The following ITPR1 variants were observed in gnomAD, a reference collection of about 807,000 sequenced individuals.
ITPR1 encodes inositol 1,4,5-trisphosphate-gated calcium channel ITPR1.
ITPR1 carries 96 observed loss-of-function variants against 318.4 expected under a neutral mutation model. The ratio of observed to expected loss-of-function variants is 0.30; its 90% CI spans 0.26 to 0.36. ITPR1 has a LOEUF of 0.36. Among genes scored for constraint, ITPR1 ranks in the 10% least tolerant of loss-of-function variants. The pLI is 1.00. For missense variants in ITPR1, 2,440 were observed against 3,460.2 expected, an observed-to-expected ratio of 0.71 and a Z score of 7.40; for synonymous variants, 1,312 against 1,289.9, an observed-to-expected ratio of 1.02 and a Z score of -0.37.
intron 24 of ITPR1, among the ~76,000 whole-genome samples, chr3:4,678,143 A>G (rs1323114209): frequency 5.3e-5 from 8 of 152,120 alleles, no homozygotes; most frequent in Admixed American, 6.5e-5. Context: ...CCCTTTACCA[A>G]TGCTTTGAAA....
At chr3:4,746,150 T>C (rs2044092122) in intron 44 of ITPR1, among the ~76,000 whole-genome samples, 1 of 152,232 alleles carries the variant, frequency 6.6e-6, no homozygotes, top group East Asian at 1.9e-4. Flanking sequence ...TCTGCACCTG[T>C]CAGCCTTTTT....
intron 53 of ITPR1, among the ~76,000 whole-genome samples, chr3:4,796,596 A>G (rs1032562436): frequency 7.9e-5 from 12 of 152,202 alleles, no homozygotes; most frequent in African/African-American, 2.7e-4. Flanking sequence ...TATTTCAAAC[A>G]GATTTTATTA....
chr3:4,829,448 T>C (rs1254912142), intron 60 of ITPR1, among the ~76,000 whole-genome samples: 2 of 151,578 alleles, frequency 1.3e-5, no homozygotes, highest in African/African-American at 4.9e-5. Context: ...TTTTAAAAAA[T>C]TAATAGACTC....
At chr3:4,618,025 A>G (rs2092455468) in intron 4 of ITPR1, among the ~76,000 whole-genome samples, 1 of 152,022 alleles carries the variant, frequency 6.6e-6, no homozygotes, top group Non-Finnish European at 1.5e-5. Flanking sequence ...ATATATGCAC[A>G]TCCTTTAAAA....
chr3:4,837,075 C>A, intron 61 of ITPR1, 140 bp downstream of exon 61: 1 of 625,372 alleles, frequency 1.6e-6, no homozygotes. Context: ...GGGACAAACC[C>A]ACTCACTCCT....
intron 32 of ITPR1, among the ~76,000 whole-genome samples, chr3:4,693,079 A>G (rs6802545): frequency 0.054 from 8,184 of 152,262 alleles, 768 homozygotes; most frequent in African/African-American, 0.19. Context: ...AGCCGAGATC[A>G]CGGCATTGCA....
At chr3:4,527,632 G>A (rs952061637) in intron 4 of ITPR1, among the ~76,000 whole-genome samples, 4 of 152,224 alleles carry the variant, frequency 2.6e-5, no homozygotes, top group African/African-American at 9.6e-5. Context: ...GTTGGTGGAA[G>A]ACCCCTGGTT....
chr3:4,557,884 A>G (rs1023034688), intron 4 of ITPR1, among the ~76,000 whole-genome samples: 4 of 152,198 alleles, frequency 2.6e-5, no homozygotes, highest in Admixed American at 6.5e-5. Flanking sequence ...AGCGCTCACT[A>G]TAAATTCACT....
chr3:4,734,739 G>A (rs902840799), intron 43 of ITPR1, among the ~76,000 whole-genome samples: 1 of 152,252 alleles, frequency 6.6e-6, no homozygotes, highest in East Asian at 1.9e-4. Flanking sequence ...GAGTAGGCTT[G>A]TTAAAAGGAG....
chr3:4,593,059 C>G (rs868066025), intron 4 of ITPR1, among the ~76,000 whole-genome samples: 3 of 152,170 alleles, frequency 2.0e-5, no homozygotes, highest in African/African-American at 4.8e-5. Flanking sequence ...AGAACTTGCT[C>G]GAAGTCAGGA....
Position 4,675,221 on chromosome 3 carries a change from G to A in ITPR1, c.2752G>A (p.Gly918Ser), listed in dbSNP as rs771806357. ...SKMAKGEENK[G>S]NNDVEKLKSS... Reference sequence around the variant, plus strand: ...GATGGCGAAAGGAGAAGAGAATAAAGGTAACAATGATGTGGAGAAGCTGAA... The same window carrying A: ...GATGGCGAAAGGAGAAGAGAATAAAAGTAACAATGATGTGGAGAAGCTGAA... The change falls in exon 23 of 62, where the codon GGT (glycine) becomes AGT (serine). Residue 918 changes from glycine to serine, a missense_variant. By Grantham distance (56) the Gly-to-Ser change is moderately conservative. Transcript: ENST00000649015. 6 of 1,611,576 alleles carry A rather than the reference G, an allele frequency of 3.7e-6. No homozygotes were observed. In the South Asian group the frequency reaches 5.5e-5, roughly 15 times the overall value.
At chr3:4,683,946 C>T (rs1176822614) in intron 28 of ITPR1, 148 bp downstream of exon 28, 2 of 796,240 alleles carry the variant, frequency 2.5e-6, no homozygotes, top group Non-Finnish European at 2.0e-6. Context: ...AAGCTGTTTG[C>T]CTAGGAAATA....
chr3:4,688,929 C>T, intron 31 of ITPR1, among the ~76,000 whole-genome samples: 1 of 152,176 alleles, frequency 6.6e-6, no homozygotes, highest in Non-Finnish European at 1.5e-5. Flanking sequence ...AAATGTCTCT[C>T]CTGCCACCTG....
rs1377989287 is a variant in ITPR1 at position 4,526,296 on chromosome 3, C to T, written c.163+5202C>T. Among the ~76,000 whole-genome samples the T allele has an allele frequency of 2.0e-5, 3 of 152,250 alleles. No individual in the cohort carries two copies. In the East Asian group the frequency reaches 5.8e-4, roughly 29 times the overall value. On this transcript the variant is annotated intron_variant, in intron 4 of 61. Transcript: ENST00000649015. ...AAATGAGGTGAAAGGAATCATTATT[C>T]TATCACTAAGTGGTTCATATGAATT...
intron 56 of ITPR1, among the ~76,000 whole-genome samples, chr3:4,812,332 C>G (rs116010171): frequency 0.011 from 1,671 of 152,212 alleles, 36 homozygotes; most frequent in African/African-American, 0.037. Flanking sequence ...GCCACTATGC[C>G]TGGTCTTATG....
intron 4 of ITPR1, among the ~76,000 whole-genome samples, chr3:4,574,754 G>A (rs1415906937): frequency 3.3e-5 from 5 of 152,246 alleles, no homozygotes; most frequent in Admixed American, 6.5e-5. Flanking sequence ...GTCAGTCACA[G>A]TGATAATGTC....
intron 60 of ITPR1, chr3:4,831,118 C>CTG: frequency 2.9e-6 from 1 of 347,208 alleles, no homozygotes; most frequent in South Asian, 1.9e-5. Flanking sequence ...CTCTCTCTCT[C>CTG]TCTCTCTCTC....
At chr3:4,836,667 A>G (rs2050940513) in intron 60 of ITPR1, 107 bp from the exon 61 acceptor site, 2 of 1,109,858 alleles carry the variant, frequency 1.8e-6, no homozygotes, top group Non-Finnish European at 2.3e-6. Flanking sequence ...GAGATAACCT[A>G]ATGAGAGTTA....
At chr3:4,600,073 G>A (rs932168586) in intron 4 of ITPR1, among the ~76,000 whole-genome samples, 9 of 152,296 alleles carry the variant, frequency 5.9e-5, no homozygotes, top group South Asian at 2.1e-4. Flanking sequence ...GAATTGTACA[G>A]CAAGTCTTCT....
Sources: gnomAD v4.1 joint callset for allele counts (sites outside exome capture counted in the v4.1 genomes callset) on GRCh38, gnomAD v4.1.1 for gene constraint, MANE v1.5 for transcripts, NCBI Gene and HGNC (gene_info 2026-07-23, HGNC 2026-07-21) for gene names.